Variants in ROBO1 observed in about 807,000 individuals in gnomAD.
ROBO1 encodes the protein roundabout guidance receptor 1.
Under a neutral mutation model 195.9 loss-of-function variants are expected in ROBO1, and 149 were observed. That is an observed-to-expected ratio of 0.76 (90% CI 0.67 to 0.87). The LOEUF is 0.87. Among genes scored for constraint, ROBO1 ranks in the 40% least tolerant of loss-of-function variants. The pLI, the probability that ROBO1 is intolerant of heterozygous loss-of-function variation, is 0.00. For synonymous variants in ROBO1, 816 were observed against 733.2 expected, an observed-to-expected ratio of 1.11 and a Z score of -1.82; for missense variants, 1,933 against 2,068.3, an observed-to-expected ratio of 0.93 and a Z score of 1.27.
chr3:79,075,622 C>T (rs892289178), intron 3 of ROBO1, among the ~76,000 whole-genome samples: 2 of 151,684 alleles, frequency 1.3e-5, no homozygotes, highest in Admixed American at 6.6e-5. Flanking sequence ...GGAGTGGAGG[C>T]GGTGTGCTAG....
chr3:79,607,870 G>A (rs556118438), intron 1 of ROBO1, among the ~76,000 whole-genome samples: 1 of 152,020 alleles, frequency 6.6e-6, no homozygotes, highest in Non-Finnish European at 1.5e-5. Flanking sequence ...ACAGCCCTAA[G>A]GCATGTTTGC....
chr3:78,926,228 G>A (rs912132910), intron 4 of ROBO1, among the ~76,000 whole-genome samples: 5 of 152,096 alleles, frequency 3.3e-5, no homozygotes, highest in Admixed American at 3.3e-4. Flanking sequence ...CAATGCTGGG[G>A]TCATATAGAT....
At chr3:78,790,900 C>A (rs2083999384) in intron 4 of ROBO1, among the ~76,000 whole-genome samples, 1 of 152,264 alleles carries the variant, frequency 6.6e-6, no homozygotes, top group East Asian at 1.9e-4. Context: ...AAGGAAAATG[C>A]CATTTAACCT....
rs537980286 is a variant in ROBO1, at chr3:79,618,876, C to A, written c.-50-28915G>T. 1.8e-4 allele frequency among the ~76,000 whole-genome samples: 28 copies of A among 152,158 alleles called. 1 individual carries two copies. Among genetic ancestry groups the A allele is most frequent in the Admixed American group, 1.8e-3 (28 of 15,272 alleles). ...CTACCCTTCAATCTCCCTGTCCTTC[C>A]AATTCCAGTTATTTTTCCTCTCTGG... On this transcript the variant is annotated intron_variant, in intron 1 of 30. Coordinates refer to ENST00000464233, the MANE Select transcript of ROBO1 (RefSeq NM_002941.4).
In ROBO1 at chr3:79,494,759, T is replaced by C. The variant is rs143978685; in HGVS notation, c.88+95065A>G. On this transcript the variant is annotated intron_variant, in intron 2 of 30. Transcript: ENST00000464233. Reference sequence around the variant, plus strand: ...ACGAATAGAAAACAATTTCAAGATATAACAGAAAAAAATATTAAATGAGTA... The same window carrying C: ...ACGAATAGAAAACAATTTCAAGATACAACAGAAAAAAATATTAAATGAGTA... 3.2e-4 allele frequency among the ~76,000 whole-genome samples: 48 copies of C among 152,142 alleles called. 1 individual carries two copies. In the East Asian group the frequency reaches 9.3e-3, roughly 29 times the overall value.
At chr3:78,805,824 A>T (rs1174930416) in intron 4 of ROBO1, among the ~76,000 whole-genome samples, 1 of 152,182 alleles carries the variant, frequency 6.6e-6, no homozygotes, top group Admixed American at 6.5e-5. Flanking sequence ...TTCATAATAC[A>T]TAGTATAGTG....
At chr3:79,175,463 T>C (rs1364528422) in intron 2 of ROBO1, among the ~76,000 whole-genome samples, 2 of 152,224 alleles carry the variant, frequency 1.3e-5, no homozygotes, top group Admixed American at 6.5e-5. Flanking sequence ...GCATAAATCA[T>C]AATTTATCTA....
At chr3:78,918,024 G>A (rs1199564069) in intron 4 of ROBO1, among the ~76,000 whole-genome samples, 1 of 152,094 alleles carries the variant, frequency 6.6e-6, no homozygotes, top group Non-Finnish European at 1.5e-5. Flanking sequence ...AAATGCACAT[G>A]GAAATGCCAT....
At chr3:78,977,443 T>C (rs2076906063) in intron 3 of ROBO1, among the ~76,000 whole-genome samples, 1 of 152,072 alleles carries the variant, frequency 6.6e-6, no homozygotes, top group South Asian at 2.1e-4. Context: ...TTTTCCTTTG[T>C]TCTCTGGAAT....
intron 3 of ROBO1, among the ~76,000 whole-genome samples, chr3:79,031,148 TAATC>T (rs1196782248): frequency 6.6e-6 from 1 of 152,234 alleles, no homozygotes; most frequent in Non-Finnish European, 1.5e-5. Context: ...TATTGAGAGT[TAATC>T]AAAACATTTA....
At chr3:78,995,432 T>G (rs901744773) in intron 3 of ROBO1, among the ~76,000 whole-genome samples, 1 of 152,052 alleles carries the variant, frequency 6.6e-6, no homozygotes, top group Admixed American at 6.6e-5. Context: ...TGGCACCATC[T>G]CAGACAGAGC....
At chr3:79,122,492 A>T (rs1370689061) in intron 3 of ROBO1, among the ~76,000 whole-genome samples, 2 of 151,962 alleles carry the variant, frequency 1.3e-5, no homozygotes, top group Non-Finnish European at 2.9e-5. Context: ...ATCCCAACTA[A>T]ATCACTTACA....
chr3:79,083,800 G>A (rs1443771351), intron 3 of ROBO1, among the ~76,000 whole-genome samples: 1 of 152,026 alleles, frequency 6.6e-6, no homozygotes, highest in African/African-American at 2.4e-5. Context: ...ATTCTCTCAG[G>A]GTTCTTATCT....
At chr3:78,923,714 T>C (rs534987622) in intron 4 of ROBO1, among the ~76,000 whole-genome samples, 1 of 152,206 alleles carries the variant, frequency 6.6e-6, no homozygotes, top group East Asian at 1.9e-4. Context: ...TCTGTCCCCA[T>C]AGGAGGTCCT....
intron 11 of ROBO1, among the ~76,000 whole-genome samples, chr3:78,669,053 C>T (rs953735656): frequency 1.3e-5 from 2 of 152,132 alleles, no homozygotes; most frequent in African/African-American, 4.8e-5. Flanking sequence ...TCTTAAACTA[C>T]TGACTTTTCC....
rs548821739 is a variant in ROBO1, at chr3:79,519,953, G to A, written c.88+69871C>T. Among the ~76,000 whole-genome samples, 3 of 152,114 alleles carry A rather than the reference G, an allele frequency of 2.0e-5. No homozygotes were observed. The East Asian group carries it at 5.8e-4, about 30-fold the overall frequency. ...ACAGGAATATTGCTTGAGCCTGGGA[G>A]TTTGAGACTATTCTGGGCAATAGGA... On this transcript the variant is annotated intron_variant, in intron 2 of 30. Transcript: ENST00000464233.
At chr3:79,517,230 A>T (rs186976755) in intron 2 of ROBO1, among the ~76,000 whole-genome samples, 21 of 152,228 alleles carry the variant, frequency 1.4e-4, no homozygotes, top group African/African-American at 4.1e-4. Context: ...TTTCAATTTG[A>T]CTAGTACTCC....
intron 4 of ROBO1, among the ~76,000 whole-genome samples, chr3:78,788,438 TTTAA>T (rs2083915413): frequency 7.4e-6 from 1 of 134,512 alleles, no homozygotes; most frequent in Non-Finnish European, 1.6e-5. Flanking sequence ...TTTTTTTTTT[TTTAA>T]AAAAAAAAAA....
At position 79,060,120 on chromosome 3, in the gene ROBO1, A is replaced by G. The variant is rs548059435; in HGVS notation, c.172+65336T>C. On this transcript the variant is annotated intron_variant, in intron 3 of 30. Coordinates refer to ENST00000464233, the MANE Select transcript of ROBO1 (RefSeq NM_002941.4). Reference sequence around the variant, plus strand: ...CAGTTGAAAATAAGGGATGAAATACACCCTAGTCTCCTGCAGCATCCCCAG... The same window carrying G: ...CAGTTGAAAATAAGGGATGAAATACGCCCTAGTCTCCTGCAGCATCCCCAG... Among the ~76,000 whole-genome samples the G allele has an allele frequency of 3.3e-5, 5 of 152,112 alleles. No individual in the cohort carries two copies. In the South Asian group the frequency reaches 1.0e-3, roughly 32 times the overall value.
Sources: gnomAD v4.1 joint callset for allele counts (sites outside exome capture counted in the v4.1 genomes callset) on GRCh38, gnomAD v4.1.1 for gene constraint, MANE v1.5 for transcripts, NCBI Gene and HGNC (gene_info 2026-07-23, HGNC 2026-07-21) for gene names.